The following ESR2 variants were observed in gnomAD, a reference collection of about 807,000 sequenced individuals.
ESR2 encodes the protein estrogen receptor beta.
ESR2 carries 36 observed loss-of-function variants against 49.6 expected under a neutral mutation model. The observed-to-expected ratio is 0.73, with a 90% CI of 0.56 to 0.96. The LOEUF is 0.96. Among genes scored for constraint, ESR2 ranks in the 40% least tolerant of loss-of-function variants. The pLI, the probability that ESR2 is intolerant of heterozygous loss-of-function variation, is 0.00. For synonymous variants in ESR2, 320 were observed against 266.1 expected, an observed-to-expected ratio of 1.20 and a Z score of -1.97; for missense variants, 714 against 693.0, an observed-to-expected ratio of 1.03 and a Z score of -0.34.
chr14:64,290,488 G>A (rs754139333), intron 1 of ESR2, among the ~76,000 whole-genome samples: 2 of 151,938 alleles, frequency 1.3e-5, no homozygotes, highest in Admixed American at 6.6e-5. Context: ...CTGTAAACTC[G>A]GCCTCCCAGG....
intron 3 of ESR2, among the ~76,000 whole-genome samples, chr14:64,278,771 G>A (rs2140804508): frequency 6.6e-6 from 1 of 152,284 alleles, no homozygotes; most frequent in Non-Finnish European, 1.5e-5. Context: ...AATCAGGGGT[G>A]CACAACTTGA....
intron 5 of ESR2, chr14:64,260,189 C>G (rs764846517): frequency 2.8e-6 from 2 of 719,026 alleles, no homozygotes; most frequent in Non-Finnish European, 5.1e-6. Flanking sequence ...GGGCCACGCA[C>G]AACTCTTTCT....
At chr14:64,327,776 G>T (rs1309144970) in intron 1 of ESR2, among the ~76,000 whole-genome samples, 6 of 151,684 alleles carry the variant, frequency 4.0e-5, no homozygotes, top group Non-Finnish European at 7.4e-5. Context: ...GGCTGAGGGA[G>T]GAGAGTCACT....
intron 7 of ESR2, among the ~76,000 whole-genome samples, chr14:64,248,505 C>CAAAAAAAAAAAA (rs56108535): frequency 6.9e-5 from 6 of 87,238 alleles, no homozygotes; most frequent in Non-Finnish European, 1.1e-4. Context: ...GATCCTGTCT[C>CAAAAAAAAAAAA]AAAAAAAAAA....
Position 64,253,260 on chromosome 14 carries a change from G to A in ESR2, c.1092-3581C>T, listed in dbSNP as rs141208167. Among the ~76,000 whole-genome samples the A allele has an allele frequency of 4.3e-3, 646 of 150,230 alleles. 6 individuals are homozygous for A. The highest frequency in any genetic ancestry group is 0.015 in the African/African-American group (613 of 40,804). On this transcript the variant is annotated intron_variant, in intron 6 of 8. Coordinates refer to ENST00000341099, the MANE Select transcript of ESR2 (RefSeq NM_001437.3). ...AGCTGGAGTGCAATGACGTGATCTTGGCTCACTGCAACCTCCACTTCCTGG... is the reference window on the plus strand; with the variant it reads ...AGCTGGAGTGCAATGACGTGATCTTAGCTCACTGCAACCTCCACTTCCTGG...
At chr14:64,278,083 A>G (rs536118061) in intron 3 of ESR2, among the ~76,000 whole-genome samples, 1 of 152,328 alleles carries the variant, frequency 6.6e-6, no homozygotes, top group East Asian at 1.9e-4. Context: ...CAAAATAGTC[A>G]TCGTATCAAG....
intron 1 of ESR2, among the ~76,000 whole-genome samples, chr14:64,302,103 G>A (rs1319277427): frequency 2.0e-5 from 3 of 151,996 alleles, no homozygotes; most frequent in Non-Finnish European, 4.4e-5. Flanking sequence ...TTGCAGCAGT[G>A]TTTCTCCCAT....
intron 4 of ESR2, among the ~76,000 whole-genome samples, chr14:64,263,409 C>A (rs956416039): frequency 3.3e-5 from 5 of 152,102 alleles, no homozygotes; most frequent in Admixed American, 1.3e-4. Flanking sequence ...GTAATCCCAG[C>A]AATTTGGGAG....
At position 64,247,652 on chromosome 14, in the gene ESR2, A is replaced by G. The variant is rs375009615; in HGVS notation, c.1225+1894T>C. ...CCTGGATATACAGTGTTTGAGGAAG[A>G]AAAAAAGTCAATAACCTAAAGGCTC... On this transcript the variant is annotated intron_variant, in intron 7 of 8. Coordinates refer to ENST00000341099, the MANE Select transcript of ESR2 (RefSeq NM_001437.3). Among the ~76,000 whole-genome samples, 35 of 152,320 alleles carry G rather than the reference A, an allele frequency of 2.3e-4. No homozygotes were observed. The East Asian group carries it at 5.4e-3, about 23-fold the overall frequency.
chr14:64,286,644 C>A (rs2140834181), intron 1 of ESR2, among the ~76,000 whole-genome samples: 1 of 152,116 alleles, frequency 6.6e-6, no homozygotes, highest in Middle Eastern at 3.4e-3. Flanking sequence ...ATAAACAATT[C>A]CTTATTCTTA....
chr14:64,235,213 A>C, intron 7 of ESR2, 63 bp from the exon 8 acceptor site: 1 of 1,553,132 alleles, frequency 6.4e-7, no homozygotes, highest in Non-Finnish European at 8.8e-7. Context: ...TCGTGTGCTC[A>C]GCTGTTCCGT....
In ESR2 at chr14:64,228,784, G is replaced by A. The variant is rs745759864; in HGVS notation, c.*4353C>T. On this transcript the variant is annotated 3_prime_UTR_variant, in exon 9 of 9. Coordinates refer to ENST00000341099, the MANE Select transcript of ESR2 (RefSeq NM_001437.3). ...GGCCCTACAAGTGAATAGGATCCTC[G>A]GAATTAAAAAACAAACAAACAAACA... is the stretch of plus-strand genomic sequence containing the variant. Among the ~76,000 whole-genome samples the A allele has an allele frequency of 4.6e-5, 7 of 151,920 alleles. No individual in the cohort carries two copies. Among genetic ancestry groups the A allele is most frequent in the African/African-American group, 1.5e-4 (6 of 41,312 alleles).
rs562942072 is a variant in ESR2, at chr14:64,300,906, G to A, written c.-90-17831C>T. ...CCTTAAGTGTCTACCTGAGACACAA[G>A]GAAATATGAGGGTGTTTGCTCACAG... On this transcript the variant is annotated intron_variant, in intron 1 of 8. Coordinates refer to the ESR2 transcript ENST00000358599. 2.5e-4 allele frequency among the ~76,000 whole-genome samples: 38 copies of A among 152,302 alleles called. 1 individual carries two copies. The highest frequency in any genetic ancestry group is 7.8e-4 in the Admixed American group (12 of 15,300).
At chr14:64,291,648 A>T (rs564528445) in intron 1 of ESR2, among the ~76,000 whole-genome samples, 3 of 152,342 alleles carry the variant, frequency 2.0e-5, no homozygotes, top group Admixed American at 2.0e-4. Flanking sequence ...AAGGTTATAC[A>T]TCTCCACCCT....
intron 1 of ESR2, chr14:64,303,471 T>C (rs960331356): frequency 6.6e-6 from 1 of 151,680 alleles, no homozygotes; most frequent in African/African-American, 2.4e-5. Context: ...AAAGCTGAAG[T>C]TCACCTGTGT....
chr14:64,290,472 G>A (rs577897636), intron 1 of ESR2, among the ~76,000 whole-genome samples: 7 of 152,082 alleles, frequency 4.6e-5, no homozygotes, highest in East Asian at 1.9e-4. Context: ...GCATGATCGC[G>A]GCTCACTGTA....
rs1249278391 is a variant in ESR2 at position 64,312,915 on chromosome 14, A to G, written c.-91+24983T>C. The stretch of plus-strand genomic sequence containing the variant: ...CAGAGTGAGACTCCATCACAAAAAG[A>G]AAAAAATAAATAAAAATAAATACCC... On this transcript the variant is annotated intron_variant, in intron 1 of 8. Transcript: ENST00000358599. 2.6e-5 allele frequency among the ~76,000 whole-genome samples: 4 copies of G among 152,130 alleles called. No individual in the cohort carries two copies. In the East Asian group the frequency reaches 7.7e-4, roughly 29 times the overall value.
At chr14:64,252,735 G>T (rs936635182) in intron 6 of ESR2, among the ~76,000 whole-genome samples, 4 of 152,256 alleles carry the variant, frequency 2.6e-5, no homozygotes, top group Admixed American at 6.5e-5. Flanking sequence ...ACAGCATGGG[G>T]GAAACCATCC....
At chr14:64,226,752 CCAATCTCGGCTCACTG>C (rs1165132064), downstream of ESR2, 1 of 149,700 alleles carries the variant, frequency 6.7e-6, no homozygotes, top group Non-Finnish European at 1.5e-5. Flanking sequence ...GTGCGGTGGC[CCAATCTCGGCTCACTG>C]CAACCTTTGC....
Sources: allele counts gnomAD v4.1 joint callset (sites outside exome capture counted in the v4.1 genomes callset), GRCh38; gene constraint gnomAD v4.1.1; transcripts MANE v1.5; gene names NCBI Gene and HGNC (gene_info 2026-07-23, HGNC 2026-07-21).